Variants in WDR7 observed in about 807,000 individuals in gnomAD.
The protein encoded by WDR7 is WD repeat domain 7.
Under a neutral mutation model 169.4 loss-of-function variants are expected in WDR7, and 46 were observed. That is an observed-to-expected ratio of 0.27 (90% CI 0.21 to 0.35). The LOEUF is 0.35. Among genes scored for constraint, WDR7 ranks in the 10% least tolerant of loss-of-function variants. WDR7 has a pLI of 1.00. For missense variants in WDR7, 1,534 were observed against 1,859.3 expected, an observed-to-expected ratio of 0.83 and a Z score of 3.22; for synonymous variants, 612 against 666.8, an observed-to-expected ratio of 0.92 and a Z score of 1.27.
At chr18:56,757,423 G>A (rs1162576098) in intron 15 of WDR7, 71 bp downstream of exon 15, 1 of 1,413,862 alleles carries the variant, frequency 7.1e-7, no homozygotes. Context: ...TTTCATTGTT[G>A]ATTACTCTTT....
intron 12 of WDR7, among the ~76,000 whole-genome samples, chr18:56,702,710 T>C (rs2025859880): frequency 6.6e-6 from 1 of 152,192 alleles, no homozygotes; most frequent in African/African-American, 2.4e-5. Flanking sequence ...TTTGGATACA[T>C]GTATAGGTAG....
intron 12 of WDR7, among the ~76,000 whole-genome samples, chr18:56,714,720 A>G (rs2026155452): frequency 6.6e-6 from 1 of 152,076 alleles, no homozygotes; most frequent in Admixed American, 6.6e-5. Flanking sequence ...GGCCTGGACC[A>G]AACAGTTTTT....
chr18:56,687,887 C>A lies in WDR7; in HGVS notation c.717+913C>A, dbSNP rs117348723. The stretch of plus-strand genomic sequence containing the variant: ...AGGCGATCCTCCTGCCTCAGCCCCC[C>A]AAAGTGCTGGGATTATAAGCATGAG... On this transcript the variant is annotated intron_variant, in intron 7 of 27. Coordinates refer to ENST00000254442, the MANE Select transcript of WDR7 (RefSeq NM_015285.3). Among the ~76,000 whole-genome samples, 440 of 152,302 alleles carry A rather than the reference C, an allele frequency of 2.9e-3. 4 individuals carry two copies. The East Asian group carries it at 0.038, about 13-fold the overall frequency.
intron 25 of WDR7, among the ~76,000 whole-genome samples, chr18:56,945,909 T>G (rs939023144): frequency 4.6e-5 from 7 of 152,180 alleles, no homozygotes; most frequent in African/African-American, 1.4e-4. Flanking sequence ...GTTTATTCAT[T>G]TATATATTGA....
chr18:56,937,174 C>G (rs1025400109), intron 23 of WDR7, among the ~76,000 whole-genome samples: 4 of 152,100 alleles, frequency 2.6e-5, no homozygotes, highest in African/African-American at 9.7e-5. Flanking sequence ...ATTCATTCTA[C>G]TCCAGCTTTT....
intron 2 of WDR7, among the ~76,000 whole-genome samples, chr18:56,676,508 C>T (rs575412683): frequency 3.2e-4 from 49 of 152,058 alleles, no homozygotes; most frequent in African/African-American, 1.1e-3. Context: ...TCAGGTGATA[C>T]GATTTATTTT....
At chr18:56,909,601 T>A (rs1376638392) in intron 21 of WDR7, among the ~76,000 whole-genome samples, 1 of 152,132 alleles carries the variant, frequency 6.6e-6, no homozygotes, top group Non-Finnish European at 1.5e-5. Flanking sequence ...CATTTTTATA[T>A]GTTTTATATA....
intron 26 of WDR7, among the ~76,000 whole-genome samples, chr18:57,003,832 GCAC>G (rs1229384987): frequency 6.6e-6 from 1 of 151,880 alleles, no homozygotes; most frequent in Admixed American, 6.6e-5. Flanking sequence ...TTCATTCCTT[GCAC>G]TGTAAATATT....
At chr18:56,960,667 C>T (rs1248046041) in intron 25 of WDR7, among the ~76,000 whole-genome samples, 1 of 151,728 alleles carries the variant, frequency 6.6e-6, no homozygotes, top group African/African-American at 2.4e-5. Flanking sequence ...CTGTAATTAT[C>T]GAGTAACAAA....
At chr18:56,655,876 T>A (rs2024757166) in intron 1 of WDR7, among the ~76,000 whole-genome samples, 1 of 152,228 alleles carries the variant, frequency 6.6e-6, no homozygotes, top group South Asian at 2.1e-4. Context: ...ATCAACATTG[T>A]TGAATGAGAC....
Position 56,795,066 on chromosome 18 carries a change from G to A in WDR7, c.3190+13410G>A, listed in dbSNP as rs556578715. Reference sequence around the variant, plus strand: ...CCCTGGCTACACTTCAGAAATGACAGAACAAAGACTCGAAGTGATTTTTAA... The same window carrying A: ...CCCTGGCTACACTTCAGAAATGACAAAACAAAGACTCGAAGTGATTTTTAA... On this transcript the variant is annotated intron_variant, in intron 19 of 27. Transcript: ENST00000254442. Among the ~76,000 whole-genome samples, 28 of 152,284 alleles carry A rather than the reference G, an allele frequency of 1.8e-4. No individual in the cohort carries two copies. In the East Asian group the frequency reaches 5.4e-3, roughly 29 times the overall value.
intron 26 of WDR7, among the ~76,000 whole-genome samples, chr18:57,001,668 A>C (rs1450389314): frequency 6.6e-6 from 1 of 152,152 alleles, no homozygotes; most frequent in African/African-American, 2.4e-5. Flanking sequence ...CATATCCATT[A>C]CCCAAAAAGT....
chr18:56,894,328 A>G (rs886278621), intron 21 of WDR7, among the ~76,000 whole-genome samples: 2 of 151,980 alleles, frequency 1.3e-5, no homozygotes, highest in Admixed American at 6.6e-5. Flanking sequence ...AGTCCTCCCC[A>G]TGCCCTGAAA....
In WDR7 at chr18:56,969,760, C is replaced by G. The variant is rs930435286; in HGVS notation, c.4164+7231C>G. Among the ~76,000 whole-genome samples the G allele has an allele frequency of 3.3e-5, 5 of 152,206 alleles. No homozygotes were observed. In the East Asian group the frequency reaches 7.7e-4, roughly 23 times the overall value. On this transcript the variant is annotated intron_variant, in intron 26 of 27. Transcript: ENST00000254442. ...CCCCTTGTAAGTTACACAGCCCTCT[C>G]AGGCTCTTTATTTGTATTCATATTT... is the stretch of plus-strand genomic sequence containing the variant.
intron 20 of WDR7, among the ~76,000 whole-genome samples, chr18:56,854,991 T>C (rs1319385370): frequency 6.6e-6 from 1 of 152,140 alleles, no homozygotes; most frequent in African/African-American, 2.4e-5. Flanking sequence ...TACTCAGGAC[T>C]GGAATTGCTG....
chr18:56,894,888 A>G (rs1192245511), intron 21 of WDR7, among the ~76,000 whole-genome samples: 3 of 152,136 alleles, frequency 2.0e-5, no homozygotes, highest in Non-Finnish European at 4.4e-5. Context: ...TATAAAAAGT[A>G]TACAAGTAGT....
intron 14 of WDR7, among the ~76,000 whole-genome samples, chr18:56,748,765 G>GTA (rs2043742804): frequency 6.6e-6 from 1 of 152,024 alleles, no homozygotes; most frequent in Non-Finnish European, 1.5e-5. Flanking sequence ...ATGAATAATA[G>GTA]TATATATTGT....
At chr18:56,680,236 T>G (rs2025326882) in intron 3 of WDR7, among the ~76,000 whole-genome samples, 1 of 152,090 alleles carries the variant, frequency 6.6e-6, no homozygotes, top group South Asian at 2.1e-4. Flanking sequence ...CGTGCACCTG[T>G]AGTCTGAGCT....
chr18:56,779,520 G>A lies in WDR7; in HGVS notation c.3037G>A (p.Ala1013Thr). Residue 1013 changes from alanine to threonine, a missense_variant, in exon 18 of 28, where the codon GCC becomes ACC. Transcript: ENST00000254442. ...TAGGCCTCCCCTTCTGGAGATGCTG[G>A]CCCGAAGATGGCAAGATCGATGCTT... ...KFRPPLLEML[A>T]RRWQDRCLEV... 6.2e-7 allele frequency: 1 copy of A among 1,613,940 alleles called. No homozygotes were observed. The highest frequency in any genetic ancestry group is 1.7e-5 in the Admixed American group (1 of 60,002).
Sources: allele counts gnomAD v4.1 joint callset (sites outside exome capture counted in the v4.1 genomes callset), GRCh38; gene constraint gnomAD v4.1.1; transcripts MANE v1.5; gene names NCBI Gene and HGNC (gene_info 2026-07-23, HGNC 2026-07-21).